Variants in FOXO3 observed in about 807,000 individuals in gnomAD.
The protein encoded by FOXO3 is forkhead box O3.
FOXO3 carries 4 observed loss-of-function variants against 41.9 expected under a neutral mutation model. The ratio of observed to expected loss-of-function variants is 0.10; its 90% CI spans 0.05 to 0.22. The LOEUF (loss-of-function observed/expected upper bound fraction) is 0.22. Among genes scored for constraint, FOXO3 ranks in the 10% least tolerant of loss-of-function variants. The pLI is 1.00. For missense variants in FOXO3, 534 were observed against 906.8 expected, an observed-to-expected ratio of 0.59 and a Z score of 5.28; for synonymous variants, 318 against 389.3, an observed-to-expected ratio of 0.82 and a Z score of 2.16.
chr6:108,666,090 T>A (rs1779050157), intron 2 of FOXO3, among the ~76,000 whole-genome samples: 1 of 152,174 alleles, frequency 6.6e-6, no homozygotes, highest in South Asian at 2.1e-4. Context: ...ACTTTCTTGC[T>A]ACCACTATGG....
Position 108,613,732 on chromosome 6 carries a change from A to AT in FOXO3, c.622-49713dup, listed in dbSNP as rs58771554. 6.3e-4 allele frequency among the ~76,000 whole-genome samples: 93 copies of AT among 147,992 alleles called. No individual in the cohort carries two copies. In the East Asian group the frequency reaches 9.7e-3, roughly 15 times the overall value. On this transcript the variant is annotated intron_variant, in intron 1 of 2. Transcript: ENST00000406360. ...TACTTTTATGTTTTTACTTCCATTGATTTTTTTTTTCTCTTTTAATCTTTT... is the reference window on the plus strand; with the variant it reads ...TACTTTTATGTTTTTACTTCCATTGATTTTTTTTTTTCTCTTTTAATCTTTT...
At chr6:108,567,989 A>C (rs1433690490) in intron 1 of FOXO3, among the ~76,000 whole-genome samples, 2 of 152,024 alleles carry the variant, frequency 1.3e-5, no homozygotes, top group African/African-American at 4.8e-5. Context: ...CGGAGGTTGC[A>C]GTGAGCCAAG....
intron 1 of FOXO3, among the ~76,000 whole-genome samples, chr6:108,643,416 C>T (rs549629375): frequency 2.6e-5 from 4 of 152,286 alleles, no homozygotes; most frequent in East Asian, 3.9e-4. Context: ...CTTGAGGTCA[C>T]GTCAGAGAGG....
intron 1 of FOXO3, among the ~76,000 whole-genome samples, chr6:108,571,830 G>T (rs1582732897): frequency 6.6e-6 from 1 of 152,328 alleles, no homozygotes; most frequent in Non-Finnish European, 1.5e-5. Context: ...TAACCTAGGA[G>T]CCTAGGGATA....
chr6:108,612,438 G>A (rs953270981), intron 1 of FOXO3, among the ~76,000 whole-genome samples: 3 of 152,012 alleles, frequency 2.0e-5, no homozygotes, highest in Non-Finnish European at 4.4e-5. Context: ...CCAGGACTTT[G>A]GGAGGCTGAG....
chr6:108,642,093 T>G (rs1778275737), intron 1 of FOXO3, among the ~76,000 whole-genome samples: 1 of 150,294 alleles, frequency 6.7e-6, no homozygotes, highest in African/African-American at 2.4e-5. Flanking sequence ...TTTGGTGTTT[T>G]TTTTTTTTTT....
chr6:108,669,961 A>G (rs1779168864), intron 2 of FOXO3, among the ~76,000 whole-genome samples: 1 of 152,164 alleles, frequency 6.6e-6, no homozygotes, highest in Admixed American at 6.5e-5. Context: ...CAGAATTACT[A>G]TTTATAACTT....
chr6:108,560,191 G>A (rs1353701319), upstream of FOXO3, among the ~76,000 whole-genome samples: 9 of 152,212 alleles, frequency 5.9e-5, 1 homozygote, highest in Non-Finnish European at 1.3e-4. Context: ...GATGGCAGCA[G>A]CGGGAGCAAG....
intron 1 of FOXO3, among the ~76,000 whole-genome samples, chr6:108,575,878 A>C (rs1776247861): frequency 6.6e-6 from 1 of 152,242 alleles, no homozygotes; most frequent in Non-Finnish European, 1.5e-5. Context: ...CTCTGAACTC[A>C]AACATTCTTT....
chr6:108,604,514 T>G (rs910165566), intron 1 of FOXO3, among the ~76,000 whole-genome samples: 13 of 152,356 alleles, frequency 8.5e-5, no homozygotes, highest in African/African-American at 2.9e-4. Flanking sequence ...TAGTATGTAA[T>G]ATTACTTCTG....
chr6:108,563,516 A>G (rs1271415206), intron 1 of FOXO3, among the ~76,000 whole-genome samples: 2 of 152,232 alleles, frequency 1.3e-5, no homozygotes, highest in East Asian at 3.8e-4. Context: ...AGTGTATAGT[A>G]TCAGGAAGGC....
intron 2 of FOXO3, among the ~76,000 whole-genome samples, chr6:108,672,940 A>G (rs983949297): frequency 6.6e-6 from 1 of 152,190 alleles, no homozygotes. Context: ...AGAGAAGGCC[A>G]GAGGTAGAAG....
intron 1 of FOXO3, among the ~76,000 whole-genome samples, chr6:108,611,562 TA>T (rs1777364798): frequency 6.6e-6 from 1 of 152,266 alleles, no homozygotes; most frequent in South Asian, 2.1e-4. Flanking sequence ...CTCCATTGTA[TA>T]ATGTAGTGGT....
intron 1 of FOXO3, among the ~76,000 whole-genome samples, chr6:108,620,844 GT>G (rs1346597436): frequency 6.6e-6 from 1 of 152,086 alleles, no homozygotes. Context: ...CTATACTGGT[GT>G]TTTTATTGAA....
chr6:108,578,903 A>G (rs1211094693), intron 1 of FOXO3, among the ~76,000 whole-genome samples: 1 of 152,128 alleles, frequency 6.6e-6, no homozygotes, highest in Admixed American at 6.5e-5. Context: ...GACCTCTTGC[A>G]CCACAGGTGG....
intron 1 of FOXO3, among the ~76,000 whole-genome samples, chr6:108,624,821 G>A (rs1410936861): frequency 6.6e-6 from 1 of 151,914 alleles, no homozygotes; most frequent in Non-Finnish European, 1.5e-5. Context: ...AAAGAGTCTT[G>A]CTCTGTTGCC....
At chr6:108,618,037 A>G (rs990672252) in intron 1 of FOXO3, 31 of 680,422 alleles carry the variant, frequency 4.6e-5, no homozygotes, top group African/African-American at 1.2e-4. Flanking sequence ...GAACACGTCA[A>G]TCGTATCTTC....
intron 1 of FOXO3, among the ~76,000 whole-genome samples, chr6:108,658,239 C>T (rs571226328): frequency 7.2e-5 from 11 of 152,246 alleles, no homozygotes; most frequent in Admixed American, 7.2e-4. Context: ...TGTCAATGCC[C>T]TACCTTCAGA....
intron 1 of FOXO3, among the ~76,000 whole-genome samples, chr6:108,610,406 T>C (rs955942432): frequency 2.6e-5 from 4 of 152,082 alleles, no homozygotes; most frequent in Admixed American, 2.6e-4. Flanking sequence ...AAGGAGAGGA[T>C]TCAGTGTTCT....
Sources: gnomAD v4.1 joint callset for allele counts (sites outside exome capture counted in the v4.1 genomes callset) on GRCh38, gnomAD v4.1.1 for gene constraint, MANE v1.5 for transcripts, NCBI Gene and HGNC (gene_info 2026-07-23, HGNC 2026-07-21) for gene names.